VSTM2L: variants seen among roughly 807,000 people sequenced by gnomAD.
VSTM2L encodes the protein V-set and transmembrane domain-containing protein 2-like protein.
A neutral mutation model predicts 19.9 loss-of-function variants in VSTM2L; 9 were observed. The observed-to-expected ratio is 0.45, with a 90% CI of 0.27 to 0.79. The LOEUF (loss-of-function observed/expected upper bound fraction) is 0.79. VSTM2L is among the 30% of genes least tolerant of loss of function. The pLI is 0.15. For synonymous variants in VSTM2L, 127 were observed against 133.8 expected, an observed-to-expected ratio of 0.95 and a Z score of 0.35; for missense variants, 286 against 295.5, an observed-to-expected ratio of 0.97 and a Z score of 0.24.
intron 3 of VSTM2L, among the ~76,000 whole-genome samples, chr20:37,940,491 C>T (rs771089674): frequency 6.6e-5 from 10 of 152,250 alleles, no homozygotes; most frequent in Non-Finnish European, 1.5e-4. Context: ...TTCTTCCCTT[C>T]CCTGTGGCCC....
chr20:37,944,819 C>T lies in VSTM2L; in HGVS notation c.*566C>T, dbSNP rs563885184. The T allele has an allele frequency of 1.2e-5, 12 of 986,044 alleles. No individual in the cohort carries two copies. The East Asian group carries it at 8.0e-4, about 65-fold the overall frequency. The allele number at this position is 986,044 out of a possible 1,614,324, so 61.1% of individuals were successfully genotyped here. On this transcript the variant is annotated 3_prime_UTR_variant, in exon 4 of 4. Coordinates refer to ENST00000373461, the MANE Select transcript of VSTM2L (RefSeq NM_080607.3). ...CACTCATGGAGGCCTAGGGGAACAG[C>T]GAGATGCCCCACCACCTCCTGGCGA...
chr20:37,934,145 GGTCAC>G (rs2072926484), intron 3 of VSTM2L, among the ~76,000 whole-genome samples: 2 of 152,234 alleles, frequency 1.3e-5, no homozygotes, highest in Admixed American at 1.3e-4. Flanking sequence ...ACTTGCCAGA[GGTCAC>G]GCCAAGGGTG....
At chr20:37,928,681 G>A (rs987187617) in intron 1 of VSTM2L, among the ~76,000 whole-genome samples, 4 of 152,132 alleles carry the variant, frequency 2.6e-5, no homozygotes, top group Non-Finnish European at 4.4e-5. Context: ...CTTGTGCCCC[G>A]GAGGTCAAGG....
At chr20:37,943,562 T>C (rs1053337236) in intron 3 of VSTM2L, among the ~76,000 whole-genome samples, 26 of 152,080 alleles carry the variant, frequency 1.7e-4, no homozygotes, top group African/African-American at 5.8e-4. Context: ...GAGGCCCCGT[T>C]GTTCCCTCCT....
intron 1 of VSTM2L, among the ~76,000 whole-genome samples, chr20:37,915,367 G>C (rs2072812485): frequency 6.6e-6 from 1 of 152,106 alleles, no homozygotes; most frequent in Admixed American, 6.5e-5. Context: ...AGGTCCTGGG[G>C]TGGGGCCCAA....
At chr20:37,935,722 A>G (rs1238887217) in intron 3 of VSTM2L, among the ~76,000 whole-genome samples, 5 of 151,972 alleles carry the variant, frequency 3.3e-5, no homozygotes, top group Non-Finnish European at 7.4e-5. Flanking sequence ...TCCCCTAGAG[A>G]TGAGGGGTGC....
chr20:37,926,122 C>T (rs894623882), intron 1 of VSTM2L, among the ~76,000 whole-genome samples: 4 of 152,150 alleles, frequency 2.6e-5, no homozygotes, highest in South Asian at 4.1e-4. Context: ...AGTGCAGTGG[C>T]GCAATCTCAG....
intron 3 of VSTM2L, among the ~76,000 whole-genome samples, chr20:37,934,563 C>A (rs145572479): frequency 6.6e-6 from 1 of 152,132 alleles, no homozygotes; most frequent in Non-Finnish European, 1.5e-5. Flanking sequence ...ATGCGCATGG[C>A]GGGGAAACCT....
chr20:37,930,775 C>T (rs1484595888), intron 1 of VSTM2L, among the ~76,000 whole-genome samples: 2 of 151,998 alleles, frequency 1.3e-5, no homozygotes, highest in Non-Finnish European at 2.9e-5. Context: ...GTGGCTCCCA[C>T]CTCACCCTGG....
intron 2 of VSTM2L, among the ~76,000 whole-genome samples, chr20:37,932,641 C>T (rs947860725): frequency 6.6e-6 from 1 of 152,006 alleles, no homozygotes; most frequent in Non-Finnish European, 1.5e-5. Flanking sequence ...AACAACATAC[C>T]CCCCATTATT....
At chr20:37,919,364 GGGCTA>G (rs1419900097) in intron 1 of VSTM2L, among the ~76,000 whole-genome samples, 1 of 152,222 alleles carries the variant, frequency 6.6e-6, no homozygotes, top group Non-Finnish European at 1.5e-5. Flanking sequence ...CAGGGGCCAA[GGGCTA>G]CCCAGAAAGA....
At chr20:37,936,571 G>A (rs529655045) in intron 3 of VSTM2L, among the ~76,000 whole-genome samples, 5 of 152,208 alleles carry the variant, frequency 3.3e-5, no homozygotes, top group Non-Finnish European at 4.4e-5. Flanking sequence ...CAGGGGCTTG[G>A]TGCGGGGAGG....
intron 1 of VSTM2L, among the ~76,000 whole-genome samples, chr20:37,906,211 C>T (rs756654825): frequency 1.3e-5 from 2 of 152,112 alleles, no homozygotes; most frequent in African/African-American, 2.4e-5. Flanking sequence ...GGAAAGCCTG[C>T]GGTCAGATGG....
At chr20:37,928,658 G>A (rs879937634) in intron 1 of VSTM2L, among the ~76,000 whole-genome samples, 1 of 152,184 alleles carries the variant, frequency 6.6e-6, no homozygotes, top group Non-Finnish European at 1.5e-5. Flanking sequence ...GGGGGGCTGA[G>A]GTGAGAGGAT....
chr20:37,925,601 C>A (rs896132293), intron 1 of VSTM2L, among the ~76,000 whole-genome samples: 1 of 152,198 alleles, frequency 6.6e-6, no homozygotes, highest in South Asian at 2.1e-4. Context: ...TCGTCAGATG[C>A]CCAGAGCCTT....
chr20:37,918,942 C>A (rs1388125957), intron 1 of VSTM2L, among the ~76,000 whole-genome samples: 1 of 152,210 alleles, frequency 6.6e-6, no homozygotes, highest in East Asian at 1.9e-4. Flanking sequence ...TGATTCATGG[C>A]CATATGAACA....
At chr20:37,906,042 T>G (rs2072750357) in intron 1 of VSTM2L, among the ~76,000 whole-genome samples, 1 of 111,196 alleles carries the variant, frequency 9.0e-6, no homozygotes. Context: ...GGTGTCTCTG[T>G]GTCTGGGGGT....
Position 37,944,968 on chromosome 20 carries a change from GTT to G in VSTM2L, c.*718_*719del. ...CCTCGGACCCATGGCCCCAGGCAGA[GTT>G]TTGCACCAGCAGGACCCCTTTGAGG... On this transcript the variant is annotated 3_prime_UTR_variant, in exon 4 of 4. Transcript: ENST00000373461. The G allele has an allele frequency of 1.0e-6, 1 of 985,812 alleles. No individual in the cohort carries two copies. The allele number at this position is 985,812 out of a possible 1,614,324, so 61.1% of individuals were successfully genotyped here.
Position 37,926,589 on chromosome 20 carries a change from C to T in VSTM2L, c.122-5046C>T, listed in dbSNP as rs989112974. On this transcript the variant is annotated intron_variant, in intron 1 of 3. Coordinates refer to ENST00000373461, the MANE Select transcript of VSTM2L (RefSeq NM_080607.3). ...ATTTAGGTTGGCGCAAAAGTAATTG[C>T]GGTTTTGACCATTACTTTTCATGGC... 3.0e-4 allele frequency among the ~76,000 whole-genome samples: 45 copies of T among 152,308 alleles called. 2 individuals are homozygous for T. The highest frequency in any genetic ancestry group is 9.9e-4 in the African/African-American group (41 of 41,562).
Sources: allele counts gnomAD v4.1 joint callset (sites outside exome capture counted in the v4.1 genomes callset), GRCh38; gene constraint gnomAD v4.1.1; transcripts MANE v1.5; gene names NCBI Gene and HGNC (gene_info 2026-07-23, HGNC 2026-07-21).